The following ATP13A2 variants were observed in gnomAD, a reference collection of about 807,000 sequenced individuals.
ATP13A2 encodes the protein ATPase cation transporting 13A2, also known as polyamine-transporting ATPase 13A2.
In ATP13A2, 83 loss-of-function variants were observed where a neutral mutation model predicts 138.3. The ratio of observed to expected loss-of-function variants is 0.60; its 90% CI spans 0.50 to 0.72. ATP13A2 has a LOEUF of 0.72. Ranked by LOEUF, ATP13A2 falls within the 30% of genes least tolerant of loss-of-function variation. The probability of loss-of-function intolerance (pLI) is 0.00; values close to 1 mark genes in which losing one functional copy is unlikely to be tolerated. For missense variants in ATP13A2, 1,402 were observed against 1,606.4 expected (o/e 0.87, Z 2.17); for synonymous variants, 663 against 699.0 (o/e 0.95, Z 0.81).
Position 16,995,911 on chromosome 1 carries a change from G to T in ATP13A2, c.1542+65C>A. 6.3e-7 allele frequency: 1 copy of T among 1,590,424 alleles called. No homozygotes were observed. Among genetic ancestry groups the T allele is most frequent in the Non-Finnish European group, 8.6e-7 (1 of 1,162,898 alleles). On this transcript the variant is annotated intron_variant, in intron 15 of 28. Transcript: ENST00000326735. The surrounding 1 kb of genome is among the most constrained non-coding windows in gnomAD (Gnocchi z 4.1). ...GCTGCTGAGAGAATAACGCGGGTGTGGAGGCCTCACTGGGGCGCCTGTGGC... is the reference window on the plus strand; with the variant it reads ...GCTGCTGAGAGAATAACGCGGGTGTTGAGGCCTCACTGGGGCGCCTGTGGC...
chr1:16,989,696 C>T lies in ATP13A2; in HGVS notation c.2604G>A (p.Lys868=), dbSNP rs1370466859. 6.2e-7 allele frequency: 1 copy of T among 1,614,008 alleles called. No homozygotes were observed. Among genetic ancestry groups the T allele is most frequent in the Admixed American group, 1.7e-5 (1 of 60,010 alleles). Reference sequence around the variant, plus strand: ...ACCCTCTGCCGAGCACTCACTGAAGCTTCTGTAGCTCGCACACCAGCTCTG... The same window carrying T: ...ACCCTCTGCCGAGCACTCACTGAAGTTTCTGTAGCTCGCACACCAGCTCTG... The part of the protein sequence containing the change: ...QKTELVCELQ[K]LQYCVGMCGD... The change falls in exon 23 of 29, where the codon AAG becomes AAA. Residue 868 remains lysine (K), a synonymous_variant. Coordinates refer to ENST00000326735, the MANE Select transcript of ATP13A2 (RefSeq NM_022089.4).
intron 20 of ATP13A2, 35 bp downstream of exon 20, chr1:16,991,699 G>C: frequency 3.1e-6 from 5 of 1,613,910 alleles, no homozygotes; most frequent in Non-Finnish European, 4.2e-6. Flanking sequence ...GGCGGATTCT[G>C]CCCTGCTAGC....
chr1:17,010,879 C>T, intron 1 of ATP13A2, among the ~76,000 whole-genome samples: 1 of 152,150 alleles, frequency 6.6e-6, no homozygotes, highest in East Asian at 1.9e-4. Flanking sequence ...TCCTCCCTGG[C>T]TGTGGTTCCC....
At chr1:16,991,021 C>T (rs1484111109) in intron 20 of ATP13A2, among the ~76,000 whole-genome samples, 2 of 151,848 alleles carry the variant, frequency 1.3e-5, no homozygotes, top group Admixed American at 6.6e-5. Flanking sequence ...GTGATCTCAG[C>T]TCACTGCAAC....
At position 17,009,506 on chromosome 1, in the gene ATP13A2, T is replaced by C. The variant is rs529520999; in HGVS notation, c.10+2223A>G. Among the ~76,000 whole-genome samples, 169 of 150,810 alleles carry C rather than the reference T, an allele frequency of 1.1e-3. 1 individual carries two copies. The highest frequency in any genetic ancestry group is 3.9e-3 in the African/African-American group (162 of 41,184). ...TGACCTCCTAGGCTAAAGGAGGTAC[T>C]CTTGCCTCTGCCTCCCAAGTAGCTG... On this transcript the variant is annotated intron_variant, in intron 1 of 28. Coordinates refer to ENST00000326735, the MANE Select transcript of ATP13A2 (RefSeq NM_022089.4).
In ATP13A2 at chr1:17,004,871, A is replaced by C; in HGVS notation, c.348-50T>G. 6.2e-7 allele frequency: 1 copy of C among 1,612,906 alleles called. No homozygotes were observed. Among genetic ancestry groups the C allele is most frequent in the Non-Finnish European group, 8.5e-7 (1 of 1,179,878 alleles). ...CTCGAGCTCTGGGAGCTGCCCTGGC[A>C]CCTCCCTGTGCTCACAGAGCCATCT... is the stretch of plus-strand genomic sequence containing the variant. On this transcript the variant is annotated intron_variant, in intron 4 of 28. Coordinates refer to ENST00000326735, the MANE Select transcript of ATP13A2 (RefSeq NM_022089.4). The surrounding 1 kb of genome is among the most constrained non-coding windows in gnomAD (Gnocchi z 4.1).
At chr1:16,989,816 A>G (rs760315801) in intron 22 of ATP13A2, 46 bp from the exon 23 acceptor site, 1 of 1,611,886 alleles carries the variant, frequency 6.2e-7, no homozygotes, top group Admixed American at 1.7e-5. Context: ...CCCACCAGGG[A>G]GAGCGAGCCG....
rs778299476 is a variant in ATP13A2, at chr1:17,000,138, T to G, written c.912A>C (p.Glu304Asp). 1.2e-6 allele frequency: 2 copies of G among 1,613,292 alleles called. No individual in the cohort carries two copies. Among genetic ancestry groups the G allele is most frequent in the African/African-American group, 1.3e-5 (1 of 75,026 alleles). Residue 304 changes from glutamate (E) to aspartate (D), a missense_variant, in exon 11 of 29, where the codon GAA becomes GAC. By Grantham distance (45) the Glu-to-Asp change is conservative. Coordinates refer to ENST00000326735, the MANE Select transcript of ATP13A2 (RefSeq NM_022089.4). Reference protein sequence around the residue: ...RVCVCRPGGEEEWVDSSELVP... With the variant: ...RVCVCRPGGEDEWVDSSELVP... ...CTAGCTCACTGGAGTCCACCCACTC[T>G]TCCTCTGCAGGCAGGCAGGAGAGGA...
chr1:16,996,008 C>T lies in ATP13A2; in HGVS notation c.1510G>A (p.Gly504Arg). The change falls in exon 15 of 29, where the codon GGG (glycine) becomes AGG (arginine). Residue 504 changes from glycine to arginine, a missense_variant. Coordinates refer to ENST00000326735, the MANE Select transcript of ATP13A2 (RefSeq NM_022089.4). ...FCIHPLRINL[G>R]GKLQLVCFDK... ...AAACACACCAGCTGCAGCTTGCCCCCCAGGTTGATGCGCAGTGGGTGGATG... is the reference window on the plus strand; with the variant it reads ...AAACACACCAGCTGCAGCTTGCCCCTCAGGTTGATGCGCAGTGGGTGGATG... 1 of 1,614,092 alleles carries T rather than the reference C, an allele frequency of 6.2e-7. No homozygotes were observed. Among genetic ancestry groups the T allele is most frequent in the Admixed American group, 1.7e-5 (1 of 60,030 alleles).
intron 25 of ATP13A2, 40 bp from the exon 26 acceptor site, chr1:16,987,309 T>C: frequency 6.3e-7 from 1 of 1,594,726 alleles, no homozygotes; most frequent in Non-Finnish European, 8.6e-7. Context: ...AACTAAGACC[T>C]GGCCCTGGCA....
rs558755546 is a variant in ATP13A2 at position 17,011,281 on chromosome 1, C to G, written c.10+448G>C. Among the ~76,000 whole-genome samples, 49 of 152,240 alleles carry G rather than the reference C, an allele frequency of 3.2e-4. No homozygotes were observed. The highest frequency in any genetic ancestry group is 3.4e-3 in the Middle Eastern group (1 of 294). ...ATCTACCCAGGAAATGGAGTCCCGA[C>G]TCCCCCAACGCCATTCATTCATTCA... On this transcript the variant is annotated intron_variant, in intron 1 of 28. Transcript: ENST00000326735. The surrounding 1 kb of genome is among the most constrained non-coding windows in gnomAD (Gnocchi z 7.3).
chr1:16,987,162 C>T lies in ATP13A2; in HGVS notation c.2967G>A (p.Arg989=), dbSNP rs1446864119. ...TGAGCAGCGCCCCCGGTGGCCGCAC[C>T]CGTCCCAGGACCAGCGCTGGCCCCG... The part of the protein sequence containing the change: ...SRTGPALVLG[R]VRPPGALLSV... The change falls in exon 26 of 29, where the codon CGG becomes CGA. Residue 989 remains arginine (R), a synonymous_variant. Transcript: ENST00000326735. 4 of 1,613,126 alleles carry T rather than the reference C, an allele frequency of 2.5e-6. No individual in the cohort carries two copies. Among genetic ancestry groups the T allele is most frequent in the South Asian group, 1.1e-5 (1 of 91,070 alleles).
rs1489218790 is a variant in ATP13A2, at chr1:16,986,347, G to A, written c.3417C>T (p.Asp1139=). 4 of 1,578,790 alleles carry A rather than the reference G, an allele frequency of 2.5e-6. No individual in the cohort carries two copies. Among genetic ancestry groups the A allele is most frequent in the Middle Eastern group, 1.7e-4 (1 of 5,992 alleles). Residue 1139 remains aspartate, a synonymous_variant, in exon 29 of 29, where the codon GAC becomes GAT. Coordinates refer to ENST00000326735, the MANE Select transcript of ATP13A2 (RefSeq NM_022089.4). This position sits in a 1 kb window ranked among gnomAD's most constrained non-coding sequence, Gnocchi z 6.9. ...GGCGCAGGCAGGCGGGGAGGCACTG[G>A]TCTAGCACGCTCTGCAAAGGGCAGG... ...VGAFMLESVL[D]QCLPACLRRL...
Position 17,004,267 on chromosome 1 carries a change from C to T in ATP13A2, c.557+65G>A. 6.5e-7 allele frequency: 1 copy of T among 1,535,348 alleles called. No homozygotes were observed. Among genetic ancestry groups the T allele is most frequent in the Non-Finnish European group, 8.9e-7 (1 of 1,120,770 alleles). ...GGGGAGCCCAGGCCATGCCATGCCA[C>T]CGTCTGTGCCCAAACCAGTGCCACT... On this transcript the variant is annotated intron_variant, in intron 6 of 28. Coordinates refer to ENST00000326735, the MANE Select transcript of ATP13A2 (RefSeq NM_022089.4). The surrounding 1 kb of genome is among the most constrained non-coding windows in gnomAD (Gnocchi z 4.1).
At chr1:16,999,636 A>T (rs11583923) in intron 11 of ATP13A2, among the ~76,000 whole-genome samples, 146,252 of 152,280 alleles carry the variant, frequency 0.96, 70,274 homozygotes, top group East Asian at 1. Context: ...GAGCGCTGGC[A>T]CACGCCTGAA....
intron 1 of ATP13A2, among the ~76,000 whole-genome samples, chr1:17,007,015 C>T (rs190956383): frequency 4.2e-4 from 64 of 152,174 alleles, no homozygotes; most frequent in Non-Finnish European, 8.2e-4. Flanking sequence ...CTCAGCCTCC[C>T]GAGTAGCTGG....
Position 17,005,537 on chromosome 1 carries a change from C to T in ATP13A2, c.125G>A (p.Gly42Asp). ...VSSVRLSGYC[G>D]SPWRVIGYHV... ...ATAGCCGATGACCCTCCATGGACTG[C>T]CACAGTAGCCGCTGAGCCTCTGCGA... Residue 42 changes from glycine (G) to aspartate (D), a missense_variant, in exon 3 of 29, where the codon GGC becomes GAC. Gly to Asp is a moderately conservative substitution (Grantham distance 94). Coordinates refer to ENST00000326735, the MANE Select transcript of ATP13A2 (RefSeq NM_022089.4). The T allele has an allele frequency of 6.2e-7, 1 of 1,614,176 alleles. No homozygotes were observed.
chr1:17,004,927 AG>A lies in ATP13A2; in HGVS notation c.347+86del. The A allele has an allele frequency of 6.2e-7, 1 of 1,611,858 alleles. No homozygotes were observed. The highest frequency in any genetic ancestry group is 8.5e-7 in the Non-Finnish European group (1 of 1,179,218). On this transcript the variant is annotated intron_variant, in intron 4 of 28. Coordinates refer to ENST00000326735, the MANE Select transcript of ATP13A2 (RefSeq NM_022089.4). This position sits in a 1 kb window ranked among gnomAD's most constrained non-coding sequence, Gnocchi z 4.1. Reference sequence around the variant, plus strand: ...CCCTAGGATGGGAGGCGCCAGAGTCAGCCTTTATGGGGGGGCCGAGGGTTGG... The same window carrying A: ...CCCTAGGATGGGAGGCGCCAGAGTCACCTTTATGGGGGGGCCGAGGGTTGG...
rs1276466305 is a variant in ATP13A2, at chr1:16,989,683, G to A, written c.2609+8C>T. ...GGCCCTTGCCCACACCCTCTGCCGA[G>A]CACTCACTGAAGCTTCTGTAGCTCG... On this transcript the variant is annotated splice_region_variant and intron_variant, in intron 23 of 28. Transcript: ENST00000326735. 7 of 1,613,962 alleles carry A rather than the reference G, an allele frequency of 4.3e-6. No individual in the cohort carries two copies. The highest frequency in any genetic ancestry group is 5.9e-6 in the Non-Finnish European group (7 of 1,179,884).
Sources: gnomAD v4.1 joint callset for allele counts (sites outside exome capture counted in the v4.1 genomes callset) on GRCh38, gnomAD v4.1.1 for gene constraint, Gnocchi (gnomAD v3.1) non-coding constraint, MANE v1.5 for transcripts, NCBI Gene and HGNC (gene_info 2026-07-23, HGNC 2026-07-21) for gene names.